POU2F1: variants seen among roughly 807,000 people sequenced by gnomAD.
The protein encoded by POU2F1 is POU class 2 homeobox 1, also known as POU domain, class 2, transcription factor 1.
In POU2F1, 16 loss-of-function variants were observed where a neutral mutation model predicts 84.9. The ratio of observed to expected loss-of-function variants is 0.19; its 90% CI spans 0.13 to 0.29. The LOEUF (loss-of-function observed/expected upper bound fraction) is 0.29. POU2F1 is among the 10% of genes least tolerant of loss of function. The pLI, the probability that POU2F1 is intolerant of heterozygous loss-of-function variation, is 1.00. For synonymous variants in POU2F1, 368 were observed against 368.3 expected, an observed-to-expected ratio of 1.00 and a Z score of 0.01; for missense variants, 738 against 942.6, an observed-to-expected ratio of 0.78 and a Z score of 2.84.
chr1:167,402,927 C>G (rs1417205421), intron 13 of POU2F1, among the ~76,000 whole-genome samples: 1 of 152,176 alleles, frequency 6.6e-6, no homozygotes, highest in Non-Finnish European at 1.5e-5. Context: ...AAATACCTGT[C>G]TCTTACAGAA....
intron 2 of POU2F1, among the ~76,000 whole-genome samples, chr1:167,338,767 G>T (rs1240489404): frequency 6.6e-6 from 1 of 152,062 alleles, no homozygotes; most frequent in Non-Finnish European, 1.5e-5. Context: ...TTTTTTATAA[G>T]ATATTCCATT....
intron 1 of POU2F1, among the ~76,000 whole-genome samples, chr1:167,293,779 G>A (rs1296414377): frequency 1.3e-5 from 2 of 152,096 alleles, no homozygotes; most frequent in Non-Finnish European, 2.9e-5. Context: ...AATGGAACAG[G>A]ACAGAGAACT....
At chr1:167,386,598 T>C (rs562439804) in intron 8 of POU2F1, among the ~76,000 whole-genome samples, 15 of 152,348 alleles carry the variant, frequency 9.8e-5, no homozygotes, top group African/African-American at 3.6e-4. Context: ...TTCTAGCAGC[T>C]TTATTCACCT....
At position 167,293,131 on chromosome 1, in the gene POU2F1, A is replaced by C. The variant is rs902952814; in HGVS notation, c.62-39339A>C. Among the ~76,000 whole-genome samples, 4 of 152,326 alleles carry C rather than the reference A, an allele frequency of 2.6e-5. No homozygotes were observed. In the South Asian group the frequency reaches 8.3e-4, roughly 32 times the overall value. On this transcript the variant is annotated intron_variant, in intron 1 of 15. Coordinates refer to ENST00000367866, the MANE Select transcript of POU2F1 (RefSeq NM_002697.4). ...ATGCCCACTTTTACCCCTTCTATTT[A>C]ACATAGTCCTAGAAGTCCTAGCCAG...
intron 1 of POU2F1, chr1:167,241,701 C>T (rs1218384648): frequency 6.6e-6 from 1 of 152,172 alleles, no homozygotes; most frequent in Non-Finnish European, 1.5e-5. Context: ...GTATGCTAAG[C>T]ACTGTTCTAA....
At chr1:167,309,766 C>A (rs1051888429) in intron 1 of POU2F1, among the ~76,000 whole-genome samples, 2 of 152,060 alleles carry the variant, frequency 1.3e-5, no homozygotes, top group African/African-American at 2.4e-5. Flanking sequence ...CTTAATCCTA[C>A]TCTTAGGAGC....
In POU2F1 at chr1:167,220,912, A is replaced by G; in HGVS notation, c.15A>G (p.Gly5=). Residue 5 remains glycine (G), a synonymous_variant, in exon 1 of 16, where the codon GGA becomes GGG. Coordinates refer to ENST00000367866, the MANE Select transcript of POU2F1 (RefSeq NM_002697.4). MADG[G]AASQDESSAA... is the part of the protein sequence containing the mutation. Reference sequence around the variant, plus strand: ...AAATATTCAAAATGGCGGACGGAGGAGCAGCGAGTCAAGATGAGAGTTCAG... The same window carrying G: ...AAATATTCAAAATGGCGGACGGAGGGGCAGCGAGTCAAGATGAGAGTTCAG... 1.3e-6 allele frequency: 2 copies of G among 1,535,064 alleles called. No individual in the cohort carries two copies. The highest frequency in any genetic ancestry group is 1.7e-6 in the Non-Finnish European group (2 of 1,146,758).
At chr1:167,245,780 C>T (rs1019024159) in intron 1 of POU2F1, among the ~76,000 whole-genome samples, 5 of 152,190 alleles carry the variant, frequency 3.3e-5, no homozygotes, top group African/African-American at 1.2e-4. Flanking sequence ...TAGTCTCAAA[C>T]TCCTGGGCTT....
intron 1 of POU2F1, among the ~76,000 whole-genome samples, chr1:167,305,946 A>G (rs1335548624): frequency 6.6e-6 from 1 of 152,198 alleles, no homozygotes. Context: ...GTTCACATGT[A>G]TTCTTTTATT....
intron 6 of POU2F1, among the ~76,000 whole-genome samples, chr1:167,374,981 A>G (rs1034653194): frequency 3.9e-5 from 6 of 151,924 alleles, no homozygotes; most frequent in Non-Finnish European, 5.9e-5. Flanking sequence ...GCAGGAGAAT[A>G]GCGTGAACCC....
At chr1:167,279,578 C>G (rs1187536636) in intron 1 of POU2F1, among the ~76,000 whole-genome samples, 1 of 152,126 alleles carries the variant, frequency 6.6e-6, no homozygotes, top group African/African-American at 2.4e-5. Flanking sequence ...GGGGGCCGTG[C>G]ATGGTGGCTC....
At chr1:167,280,773 A>G (rs1653074214) in intron 1 of POU2F1, among the ~76,000 whole-genome samples, 1 of 152,198 alleles carries the variant, frequency 6.6e-6, no homozygotes, top group Non-Finnish European at 1.5e-5. Context: ...CCTTCTTTCC[A>G]ACCCTTTCTG....
At chr1:167,299,379 T>C (rs903693162) in intron 1 of POU2F1, among the ~76,000 whole-genome samples, 1 of 152,192 alleles carries the variant, frequency 6.6e-6, no homozygotes, top group Non-Finnish European at 1.5e-5. Context: ...AACTTCATAC[T>C]CATCTTTACA....
At chr1:167,359,233 T>C (rs2057458) in intron 2 of POU2F1, among the ~76,000 whole-genome samples, 108,715 of 151,694 alleles carry the variant, frequency 0.72, 39,206 homozygotes, top group East Asian at 0.87. Flanking sequence ...AGGGGGTAAA[T>C]GCACAGGTTT....
chr1:167,228,705 T>C lies in POU2F1; in HGVS notation c.61+7747T>C, dbSNP rs141878115. Among the ~76,000 whole-genome samples, 638 of 152,364 alleles carry C rather than the reference T, an allele frequency of 4.2e-3. 11 individuals are homozygous for C. Among genetic ancestry groups the C allele is most frequent in the African/African-American group, 0.015 (617 of 41,596 alleles). On this transcript the variant is annotated intron_variant, in intron 1 of 15. Coordinates refer to ENST00000367866, the MANE Select transcript of POU2F1 (RefSeq NM_002697.4). ...TGCATTTCTTAGCCTGATTAGTAGA[T>C]CAATTTTTTGTCCATGCATTTGTTT... is the stretch of plus-strand genomic sequence containing the variant.
At chr1:167,348,238 G>A (rs139529210) in intron 2 of POU2F1, among the ~76,000 whole-genome samples, 89 of 152,272 alleles carry the variant, frequency 5.8e-4, no homozygotes, top group African/African-American at 2.0e-3. Flanking sequence ...TAACACAGTG[G>A]TATTTGTGTA....
rs1653133143 is a variant in POU2F1 at position 167,281,492 on chromosome 1, C to T, written c.62-50978C>T. ...CTCCCAGCCATAGTAGGCTCAGAGA[C>T]TCCAGTGCAGCCACATGATGGAAGA... On this transcript the variant is annotated intron_variant, in intron 1 of 15. Transcript: ENST00000367866. 3.9e-5 allele frequency among the ~76,000 whole-genome samples: 6 copies of T among 152,176 alleles called. 1 individual carries two copies. In the South Asian group the frequency reaches 1.2e-3, roughly 31 times the overall value.
At chr1:167,286,893 G>A (rs1026857418) in intron 1 of POU2F1, among the ~76,000 whole-genome samples, 2 of 152,192 alleles carry the variant, frequency 1.3e-5, no homozygotes, top group African/African-American at 4.8e-5. Flanking sequence ...TTCCCTGCAA[G>A]CTCAAGGATG....
At chr1:167,365,375 A>T in intron 2 of POU2F1, 92 bp from the exon 3 acceptor site, 1 of 910,202 alleles carries the variant, frequency 1.1e-6, no homozygotes, top group Non-Finnish European at 1.6e-6. Flanking sequence ...ACTTATGCAA[A>T]ATAGGTGCCT....
Sources: gnomAD v4.1 joint callset for allele counts (sites outside exome capture counted in the v4.1 genomes callset) on GRCh38, gnomAD v4.1.1 for gene constraint, MANE v1.5 for transcripts, NCBI Gene and HGNC (gene_info 2026-07-23, HGNC 2026-07-21) for gene names.